MYLK3: variants seen among roughly 807,000 people sequenced by gnomAD.
MYLK3 encodes myosin light chain kinase 3, also known as MLC kinase.
In MYLK3, 55 loss-of-function variants were observed where a neutral mutation model predicts 76.3. The observed-to-expected ratio is 0.72, with a 90% confidence interval of 0.58 to 0.90. The LOEUF is 0.90. MYLK3 is among the 40% of genes least tolerant of loss of function. MYLK3 has a pLI of 0.00. For missense variants in MYLK3, 973 were observed against 1,053.6 expected, an observed-to-expected ratio of 0.92 and a Z score of 1.06; for synonymous variants, 416 against 425.4, an observed-to-expected ratio of 0.98 and a Z score of 0.27.
At chr16:46,725,432 TATC>T (rs1222974296) in intron 8 of MYLK3, among the ~76,000 whole-genome samples, 1 of 152,226 alleles carries the variant, frequency 6.6e-6, no homozygotes, top group Non-Finnish European at 1.5e-5. Flanking sequence ...AAATGGCCGT[TATC>T]AGGTTGAGGA....
In MYLK3 at chr16:46,729,092, G is replaced by A. The variant is rs1459238077; in HGVS notation, c.1704C>T (p.Ser568=). Residue 568 remains serine, a synonymous_variant, in exon 7 of 13, where the codon AGC becomes AGT. Transcript: ENST00000394809. Reference sequence around the variant, plus strand: ...CATAGAGCTGGATCAGGTTCACGTGGCTGAGCTGGTTCATGATGTTGATCT... The same window carrying A: ...CATAGAGCTGGATCAGGTTCACGTGACTGAGCTGGTTCATGATGTTGATCT... The part of the protein sequence containing the change: ...KNEINIMNQL[S]HVNLIQLYDA... 1.2e-6 allele frequency: 2 copies of A among 1,614,156 alleles called. No homozygotes were observed. Among genetic ancestry groups the A allele is most frequent in the South Asian group, 2.2e-5 (2 of 91,082 alleles).
intron 8 of MYLK3, among the ~76,000 whole-genome samples, chr16:46,722,948 G>A (rs954202237): frequency 2.0e-5 from 3 of 152,236 alleles, no homozygotes; most frequent in Non-Finnish European, 4.4e-5. Flanking sequence ...CCGACCTCAG[G>A]TGATCTGCCT....
chr16:46,729,107 G>C lies in MYLK3; in HGVS notation c.1689C>G (p.Ile563Met). The C allele has an allele frequency of 6.2e-7, 1 of 1,614,134 alleles. No homozygotes were observed. Among genetic ancestry groups the C allele is most frequent in the Admixed American group, 1.7e-5 (1 of 60,020 alleles). Reference protein sequence around the residue: ...DREDVKNEINIMNQLSHVNLI... With the variant: ...DREDVKNEINMMNQLSHVNLI... ...GGTTCACGTGGCTGAGCTGGTTCAT[G>C]ATGTTGATCTCGTTCTTCACGTCCT... Residue 563 changes from isoleucine to methionine, a missense_variant, in exon 7 of 13, where the codon ATC (isoleucine) becomes ATG (methionine). Around this residue, in one of 2 missense-constraint regions of MYLK3, gnomAD observed 332 missense variants for 416.6 expected, o/e 0.80. Transcript: ENST00000394809.
intron 3 of MYLK3, among the ~76,000 whole-genome samples, chr16:46,734,487 G>C (rs1394903946): frequency 3.3e-5 from 5 of 152,188 alleles, no homozygotes; most frequent in Non-Finnish European, 7.3e-5. Flanking sequence ...GGTGGCACGT[G>C]CTTGTAGTCC....
rs1005063291 is a variant in MYLK3 at position 46,748,110 on chromosome 16, C to T, written c.84G>A (p.Lys28=). The T allele has an allele frequency of 2.5e-6, 4 of 1,614,162 alleles. No individual in the cohort carries two copies. The Admixed American group carries it at 5.0e-5, about 20-fold the overall frequency. Residue 28 remains lysine (K), a synonymous_variant, in exon 1 of 13, where the codon AAG becomes AAA. Transcript: ENST00000394809. The surrounding 1 kb of genome is among the most constrained non-coding windows in gnomAD (Gnocchi z 4.3). ...CCACCTTCTCGTTCAGCATGTTCAG[C>T]TTTGTGTCCATGGTTGTTAAGCAGG... The part of the protein sequence containing the change: ...GKTCLTTMDT[K]LNMLNEKVDQ...
chr16:46,738,024 G>C lies in MYLK3; in HGVS notation c.688C>G (p.Pro230Ala). The C allele has an allele frequency of 6.2e-7, 1 of 1,612,864 alleles. No individual in the cohort carries two copies. Among genetic ancestry groups the C allele is most frequent in the Non-Finnish European group, 8.5e-7 (1 of 1,179,914 alleles). Reference sequence around the variant, plus strand: ...CCAGGGAATGCCTGGGCTGGGCCAGGAACACCATCTCCCTGGCCCGGTGAG... The same window carrying C: ...CCAGGGAATGCCTGGGCTGGGCCAGCAACACCATCTCCCTGGCCCGGTGAG... ...VVSPGQGDGVPGPAQAFPGHL... is the reference protein window; with the variant it reads ...VVSPGQGDGVAGPAQAFPGHL... Residue 230 changes from proline (P) to alanine (A), a missense_variant, in exon 3 of 13, where the codon CCT becomes GCT. By Grantham distance (27) the Pro-to-Ala change is conservative (BLOSUM62 -1). Coordinates refer to ENST00000394809, the MANE Select transcript of MYLK3 (RefSeq NM_182493.3).
chr16:46,732,239 G>T lies in MYLK3; in HGVS notation c.1431C>A (p.Pro477=). Residue 477 remains proline (P), a synonymous_variant, in exon 4 of 13, where the codon CCC becomes CCA. Transcript: ENST00000394809. ...CCACGCTGCCAGCCTCGGCGCCTGG[G>T]GGCATCCTCCTTACTGCTTCAGCTC... is the stretch of plus-strand genomic sequence containing the variant. ...PVRAEAVRRM[P]PGAEAGSVVL... 1 of 1,594,492 alleles carries T rather than the reference G, an allele frequency of 6.3e-7. No individual in the cohort carries two copies. The highest frequency in any genetic ancestry group is 8.5e-7 in the Non-Finnish European group (1 of 1,173,542).
intron 3 of MYLK3, among the ~76,000 whole-genome samples, chr16:46,732,971 C>G (rs902587367): frequency 6.6e-5 from 10 of 152,226 alleles, no homozygotes; most frequent in Non-Finnish European, 1.5e-4. Flanking sequence ...CCTCTACCTT[C>G]CCCTGGGCCC....
Position 46,716,233 on chromosome 16 carries a change from C to T in MYLK3, c.1986-3457G>A, listed in dbSNP as rs145648025. 4.9e-3 allele frequency among the ~76,000 whole-genome samples: 746 copies of T among 152,224 alleles called. 6 individuals are homozygous for T. The highest frequency in any genetic ancestry group is 6.8e-3 in the Non-Finnish European group (464 of 68,022). ...CTGCTTCTGGTCCCGCCAGCAAATT[C>T]TTGCCCTTGACCAGGTTAAGGAATT... On this transcript the variant is annotated intron_variant, in intron 9 of 12. Coordinates refer to ENST00000394809, the MANE Select transcript of MYLK3 (RefSeq NM_182493.3).
intron 8 of MYLK3, among the ~76,000 whole-genome samples, chr16:46,724,434 C>A (rs922245401): frequency 2.0e-5 from 3 of 151,964 alleles, no homozygotes; most frequent in African/African-American, 7.3e-5. Flanking sequence ...TTAGCTCTTA[C>A]ATTTACGTCT....
chr16:46,710,038 A>G (rs1356046346), intron 11 of MYLK3, among the ~76,000 whole-genome samples: 1 of 152,234 alleles, frequency 6.6e-6, no homozygotes, highest in East Asian at 1.9e-4. Flanking sequence ...CTCCTTCCAG[A>G]GTATAAAGCC....
rs767412798 is a variant in MYLK3, at chr16:46,709,702, A to G, written c.2268-31T>C. 7.5e-6 allele frequency: 12 copies of G among 1,603,564 alleles called. No homozygotes were observed. In the South Asian group the frequency reaches 1.3e-4, roughly 18 times the overall value. On this transcript the variant is annotated intron_variant, in intron 11 of 12. Transcript: ENST00000394809. ...AAATCAAAGAGCAGTTAAGACTTTT[A>G]GTTGGAGTTGCCTTTTCTCATCCAA...
Position 46,707,711 on chromosome 16 carries a change from G to A in MYLK3, c.2453C>T (p.Ser818Phe), listed in dbSNP as rs151025183. ...GAGCAGCAGAGTTGAAGATTAGGGA[G>A]AAGTTGGAAATTTCCTTAACCTGTT... ...AANRLRKFPT[S>F]P The change falls in exon 13 of 13, where the codon TCT (serine) becomes TTT (phenylalanine). Residue 818 changes from serine (S) to phenylalanine (F), a missense_variant. Transcript: ENST00000394809. The A allele has an allele frequency of 4.6e-5, 74 of 1,610,948 alleles. No individual in the cohort carries two copies. In the African/African-American group the frequency reaches 9.1e-4, roughly 20 times the overall value.
chr16:46,762,473 C>T (rs1967291730), intron 1 of MYLK3, among the ~76,000 whole-genome samples: 1 of 152,190 alleles, frequency 6.6e-6, no homozygotes, highest in Admixed American at 6.5e-5. Flanking sequence ...GAGCAATAGA[C>T]TCCCGCAGGA....
chr16:46,716,834 T>C (rs1367250026), intron 9 of MYLK3, among the ~76,000 whole-genome samples: 4 of 152,278 alleles, frequency 2.6e-5, no homozygotes, highest in South Asian at 4.1e-4. Flanking sequence ...TATGTATTGA[T>C]GCCTCCATAA....
At chr16:46,729,176 T>A in intron 6 of MYLK3, 43 bp from the exon 7 acceptor site, 1 of 1,505,066 alleles carries the variant, frequency 6.6e-7, no homozygotes, top group Non-Finnish European at 9.3e-7. Flanking sequence ...AGCGAATGAG[T>A]CAAGAAGAGG....
intron 1 of MYLK3, among the ~76,000 whole-genome samples, chr16:46,755,138 A>G (rs1313443769): frequency 6.6e-6 from 1 of 152,000 alleles, no homozygotes; most frequent in Non-Finnish European, 1.5e-5. Context: ...GGCTCAAACA[A>G]TCCACCTGCC....
At chr16:46,728,090 T>C (rs1412902485) in intron 7 of MYLK3, among the ~76,000 whole-genome samples, 1 of 152,246 alleles carries the variant, frequency 6.6e-6, no homozygotes, top group Non-Finnish European at 1.5e-5. Flanking sequence ...CTTTCGCTTA[T>C]CTTTTCTTTT....
upstream of MYLK3, among the ~76,000 whole-genome samples, chr16:46,750,331 G>A (rs1967106351): frequency 6.6e-6 from 1 of 152,226 alleles, no homozygotes; most frequent in Non-Finnish European, 1.5e-5. Context: ...GTCTCTGGAG[G>A]AGAGACTTTA....
Sources: allele counts gnomAD v4.1 joint callset (sites outside exome capture counted in the v4.1 genomes callset), GRCh38; gene constraint gnomAD v4.1.1; regional missense constraint gnomAD v4.1.1; non-coding constraint Gnocchi (gnomAD v3.1); transcripts MANE v1.5; gene names NCBI Gene and HGNC (gene_info 2026-07-23, HGNC 2026-07-21).